KIAA1217: variants seen among roughly 807,000 people sequenced by gnomAD.
KIAA1217 encodes the protein KIAA1217.
Under a neutral mutation model 163.9 loss-of-function variants are expected in KIAA1217, and 88 were observed. The observed-to-expected ratio is 0.54, with a 90% CI of 0.45 to 0.64. KIAA1217 has a LOEUF of 0.64. KIAA1217 is among the 30% of genes least tolerant of loss of function. The pLI, the probability that KIAA1217 is intolerant of heterozygous loss-of-function variation, is 0.00. For missense variants in KIAA1217, 2,372 were observed against 2,475.0 expected (o/e 0.96, Z 0.88); for synonymous variants, 903 against 923.1 (o/e 0.98, Z 0.39).
At chr10:23,840,590 T>G (rs1460858955) in intron 1 of KIAA1217, among the ~76,000 whole-genome samples, 1 of 152,236 alleles carries the variant, frequency 6.6e-6, no homozygotes, top group Admixed American at 6.5e-5. Context: ...TGTGGTTTAA[T>G]GAAGAATTAG....
chr10:23,816,658 G>A (rs1837326493), intron 1 of KIAA1217, among the ~76,000 whole-genome samples: 1 of 152,162 alleles, frequency 6.6e-6, no homozygotes, highest in Admixed American at 6.5e-5. Flanking sequence ...CTATTTGGAA[G>A]AAATGAAGAG....
At chr10:24,374,959 AT>A (rs1288870699) in intron 2 of KIAA1217, among the ~76,000 whole-genome samples, 10 of 152,034 alleles carry the variant, frequency 6.6e-5, no homozygotes, top group Non-Finnish European at 1.2e-4. Flanking sequence ...TAATTTTTTA[AT>A]TTTTTGTAGA....
At chr10:23,992,704 T>G (rs1846272930) in intron 1 of KIAA1217, among the ~76,000 whole-genome samples, 1 of 150,246 alleles carries the variant, frequency 6.7e-6, no homozygotes, top group South Asian at 2.1e-4. Flanking sequence ...AGGCCCTGAT[T>G]TGACACAGGG....
chr10:23,849,310 A>G (rs1839191936), intron 1 of KIAA1217, among the ~76,000 whole-genome samples: 1 of 152,102 alleles, frequency 6.6e-6, no homozygotes, highest in Non-Finnish European at 1.5e-5. Flanking sequence ...TACTTACATA[A>G]GCAATCATCA....
intron 1 of KIAA1217, among the ~76,000 whole-genome samples, chr10:24,006,308 A>G (rs570529026): frequency 1.3e-4 from 20 of 152,364 alleles, no homozygotes; most frequent in Non-Finnish European, 2.1e-4. Flanking sequence ...TGTTTCTGAC[A>G]TAAGTGTGTT....
intron 2 of KIAA1217, among the ~76,000 whole-genome samples, chr10:24,131,794 C>G (rs528461609): frequency 6.6e-6 from 1 of 152,224 alleles, no homozygotes; most frequent in South Asian, 2.1e-4. Flanking sequence ...TACCTGGAAG[C>G]TGAGGAAATA....
intron 1 of KIAA1217, among the ~76,000 whole-genome samples, chr10:23,911,636 T>C (rs946974160): frequency 2.6e-5 from 4 of 152,334 alleles, no homozygotes; most frequent in African/African-American, 9.6e-5. Context: ...GTATTTATTA[T>C]ATATGTATTT....
intron 1 of KIAA1217, among the ~76,000 whole-genome samples, chr10:23,801,709 TA>T (rs1412146953): frequency 2.0e-5 from 3 of 152,150 alleles, no homozygotes; most frequent in Non-Finnish European, 2.9e-5. Flanking sequence ...TAGATACTGT[TA>T]TTATCCCCCT....
intron 3 of KIAA1217, among the ~76,000 whole-genome samples, chr10:24,428,667 A>G (rs77001540): frequency 4.0e-4 from 61 of 152,222 alleles, no homozygotes; most frequent in Non-Finnish European, 7.6e-4. Flanking sequence ...TTGAGAAACT[A>G]CTATGTAACA....
intron 1 of KIAA1217, among the ~76,000 whole-genome samples, chr10:23,758,686 CTTTTTTT>C (rs34055872): frequency 3.3e-5 from 2 of 59,854 alleles, no homozygotes; most frequent in African/African-American, 5.1e-5. Context: ...TTCTTTCTTT[CTTTTTTT>C]TTTTTTTTTT....
At chr10:24,396,336 C>CA (rs569635421) in intron 3 of KIAA1217, among the ~76,000 whole-genome samples, 11 of 149,960 alleles carry the variant, frequency 7.3e-5, no homozygotes, top group Admixed American at 2.0e-4. Context: ...GACTCTGTCT[C>CA]AAAAAAAAGA....
At chr10:23,712,558 C>A (rs1472228122) in intron 1 of KIAA1217, among the ~76,000 whole-genome samples, 2 of 151,922 alleles carry the variant, frequency 1.3e-5, no homozygotes, top group African/African-American at 4.8e-5. Context: ...TATAACTTAC[C>A]AGGTATCTAT....
At chr10:24,193,928 C>G (rs1415695981) in intron 2 of KIAA1217, among the ~76,000 whole-genome samples, 1 of 106,634 alleles carries the variant, frequency 9.4e-6, no homozygotes, top group African/African-American at 3.4e-5. Context: ...TGGTTCACAC[C>G]TGTAACCCCA....
At chr10:24,344,888 T>A (rs1354285158) in intron 2 of KIAA1217, among the ~76,000 whole-genome samples, 4 of 152,218 alleles carry the variant, frequency 2.6e-5, no homozygotes. Context: ...AATTAAGAAC[T>A]GTTCTTATCT....
intron 1 of KIAA1217, among the ~76,000 whole-genome samples, chr10:23,965,166 AAC>A (rs1845007350): frequency 6.6e-6 from 1 of 152,172 alleles, no homozygotes; most frequent in African/African-American, 2.4e-5. Flanking sequence ...AAAATACACA[AAC>A]ACACACACAT....
intron 2 of KIAA1217, among the ~76,000 whole-genome samples, chr10:24,163,851 C>A (rs969582077): frequency 1.3e-5 from 2 of 152,122 alleles, no homozygotes; most frequent in African/African-American, 4.8e-5. Context: ...AAAAGGCTTC[C>A]TCCTGTCTGA....
intron 2 of KIAA1217, among the ~76,000 whole-genome samples, chr10:24,294,187 C>CAAAAAAAAAA (rs371110913): frequency 1.8e-5 from 1 of 55,108 alleles, no homozygotes; most frequent in African/African-American, 7.8e-5. Flanking sequence ...GACTCCGTCT[C>CAAAAAAAAAA]AAAAAAAAAA....
At chr10:23,790,158 T>C (rs1347525815) in intron 1 of KIAA1217, among the ~76,000 whole-genome samples, 2 of 56,878 alleles carry the variant, frequency 3.5e-5, no homozygotes, top group African/African-American at 9.6e-5. Flanking sequence ...CACATATGCA[T>C]ATACACATAT....
At chr10:23,857,090 C>T (rs1350007314) in intron 1 of KIAA1217, among the ~76,000 whole-genome samples, 1 of 152,358 alleles carries the variant, frequency 6.6e-6, no homozygotes, top group Admixed American at 6.5e-5. Context: ...CAGAAATCAC[C>T]CGTCTTCTGT....
Sources: allele counts gnomAD v4.1 joint callset (sites outside exome capture counted in the v4.1 genomes callset), GRCh38; gene constraint gnomAD v4.1.1; transcripts MANE v1.5; gene names NCBI Gene and HGNC (gene_info 2026-07-23, HGNC 2026-07-21).